The following SOAT1 variants were observed in gnomAD, a reference collection of about 807,000 sequenced individuals.
SOAT1 encodes sterol O-acyltransferase 1.
A neutral mutation model predicts 69.5 loss-of-function variants in SOAT1; 55 were observed. The observed-to-expected ratio is 0.79, with a 90% CI of 0.64 to 0.99. The LOEUF is 0.99. Ranked by LOEUF, SOAT1 falls within the 50% of genes least tolerant of loss-of-function variation. The pLI is 0.00. For missense variants in SOAT1, 580 were observed against 669.3 expected (o/e 0.87, Z 1.47); for synonymous variants, 231 against 224.7 (o/e 1.03, Z -0.25).
intron 3 of SOAT1, among the ~76,000 whole-genome samples, chr1:179,325,504 T>A (rs950409380): frequency 6.6e-6 from 1 of 152,140 alleles, no homozygotes; most frequent in Non-Finnish European, 1.5e-5. Flanking sequence ...CCCTTTTTAT[T>A]TCTCTAGTCA....
At chr1:179,329,538 T>G (rs1317068497) in intron 3 of SOAT1, among the ~76,000 whole-genome samples, 3 of 151,898 alleles carry the variant, frequency 2.0e-5, no homozygotes, top group Non-Finnish European at 4.4e-5. Context: ...ACCAACATGG[T>G]GAAACCCCAT....
At chr1:179,335,844 T>G (rs889580342) in intron 4 of SOAT1, among the ~76,000 whole-genome samples, 187 bp downstream of exon 4, 1 of 152,150 alleles carries the variant, frequency 6.6e-6, no homozygotes, top group African/African-American at 2.4e-5. Context: ...ACATATAAAT[T>G]ATAACATACA....
chr1:179,297,480 C>T (rs12028643), intron 1 of SOAT1, among the ~76,000 whole-genome samples: 32,963 of 151,828 alleles, frequency 0.22, 4,576 homozygotes, highest in East Asian at 0.38. Flanking sequence ...GGATTACAGG[C>T]ACCTGCCATC....
chr1:179,353,053 T>C (rs899192009), intron 15 of SOAT1, among the ~76,000 whole-genome samples: 2 of 146,452 alleles, frequency 1.4e-5, no homozygotes, highest in Non-Finnish European at 3.0e-5. Flanking sequence ...CTTGTATTAG[T>C]CATTTTTATA....
chr1:179,323,046 T>C (rs1665659815), intron 2 of SOAT1, among the ~76,000 whole-genome samples: 1 of 26,684 alleles, frequency 3.7e-5, no homozygotes, highest in African/African-American at 1.3e-4. Flanking sequence ...CTTTTCTTTC[T>C]TTTTTTTTTT....
At chr1:179,323,325 A>G in intron 2 of SOAT1, 112 bp from the exon 3 acceptor site, 1 of 791,610 alleles carries the variant, frequency 1.3e-6, no homozygotes, top group Non-Finnish European at 2.0e-6. Flanking sequence ...TGGTTGCACC[A>G]CAGTTTACGC....
chr1:179,302,915 G>A lies in SOAT1; in HGVS notation c.118+113G>A, dbSNP rs940041240. On this transcript the variant is annotated intron_variant, in intron 2 of 15. Transcript: ENST00000367619. ...TCTTTATTGTAAATGGGTATTGATA[G>A]AGTTTTATATGTCTAGTAACAAAGC... The A allele has an allele frequency of 7.2e-6, 4 of 558,462 alleles. No individual in the cohort carries two copies. In the Admixed American group the frequency reaches 1.2e-4, roughly 17 times the overall value. 34.6% of individuals were successfully genotyped at this position (558,462 alleles called of 1,614,324 possible).
chr1:179,306,697 T>C (rs777426928), intron 2 of SOAT1, among the ~76,000 whole-genome samples: 5 of 151,710 alleles, frequency 3.3e-5, no homozygotes, highest in Non-Finnish European at 7.4e-5. Context: ...CCGGGTGCGG[T>C]GGTGGGCACC....
At chr1:179,351,554 G>T in intron 15 of SOAT1, 92 bp downstream of exon 15, 1 of 1,157,868 alleles carries the variant, frequency 8.6e-7, no homozygotes. Context: ...CAGTAGTGGA[G>T]ATTATGATGA....
At chr1:179,311,591 C>T (rs866897147) in intron 2 of SOAT1, among the ~76,000 whole-genome samples, 1 of 110,876 alleles carries the variant, frequency 9.0e-6, no homozygotes, top group Non-Finnish European at 2.0e-5. Context: ...AAAAAAAAAT[C>T]GTTTCTAAAT....
chr1:179,333,425 G>A (rs1666036535), intron 3 of SOAT1, among the ~76,000 whole-genome samples: 1 of 151,722 alleles, frequency 6.6e-6, no homozygotes, highest in South Asian at 2.1e-4. Context: ...GTCTTGGCTG[G>A]GCACAGTGGC....
intron 6 of SOAT1, 83 bp downstream of exon 6, chr1:179,339,628 A>C: frequency 1.3e-6 from 1 of 772,170 alleles, no homozygotes; most frequent in Non-Finnish European, 2.1e-6. Flanking sequence ...GGGTAAATTG[A>C]TTAAATTGCT....
intron 3 of SOAT1, among the ~76,000 whole-genome samples, chr1:179,331,612 C>G (rs149736237): frequency 5.4e-4 from 82 of 152,054 alleles, no homozygotes; most frequent in African/African-American, 1.9e-3. Flanking sequence ...AAAGATACAT[C>G]GTTTAAAATC....
chr1:179,341,829 G>A (rs933797136), intron 7 of SOAT1, among the ~76,000 whole-genome samples: 1 of 152,002 alleles, frequency 6.6e-6, no homozygotes, highest in Non-Finnish European at 1.5e-5. Context: ...CACCGCGCCC[G>A]GCCACATTGA....
chr1:179,351,346 CG>C lies in SOAT1; in HGVS notation c.1482del (p.Lys496SerfsTer7). ...TTTCAACTTCATTGTCAATGATAGT[CG>C]GAAAAAGCCGATTTGGAATGTTCTG... ...MAFNFIVNDSRKKPIWNVLMW... is the reference protein window; with the variant it reads ...MAFNFIVNDSXKKPIWNVLMW... On this transcript the variant is annotated frameshift_variant, in exon 15 of 16. Coordinates refer to ENST00000367619, the MANE Select transcript of SOAT1 (RefSeq NM_003101.6). LOFTEE classifies it high-confidence loss of function. 1 of 1,613,942 alleles carries C rather than the reference CG, an allele frequency of 6.2e-7. No individual in the cohort carries two copies. The highest frequency in any genetic ancestry group is 1.3e-5 in the African/African-American group (1 of 75,010).
At chr1:179,332,484 A>C (rs1268665699) in intron 3 of SOAT1, among the ~76,000 whole-genome samples, 3 of 152,128 alleles carry the variant, frequency 2.0e-5, no homozygotes, top group Non-Finnish European at 4.4e-5. Flanking sequence ...TTAAGCTCTA[A>C]AAATGTAGTT....
In SOAT1 at chr1:179,341,295, CATT is replaced by C; in HGVS notation, c.768_770del (p.Ile257del). On this transcript the variant is annotated inframe_deletion, in exon 7 of 16. Coordinates refer to ENST00000367619, the MANE Select transcript of SOAT1 (RefSeq NM_003101.6). ...CACTGCCACCAGCTTCCCGGTTCATCATTATATTCGAGCAGGTAAGGTTTTAAG... is the reference window on the plus strand; with the variant it reads ...CACTGCCACCAGCTTCCCGGTTCATCATATTCGAGCAGGTAAGGTTTTAAG... 1 of 1,614,016 alleles carries C rather than the reference CATT, an allele frequency of 6.2e-7. No homozygotes were observed. The highest frequency in any genetic ancestry group is 8.5e-7 in the Non-Finnish European group (1 of 1,179,968).
intron 5 of SOAT1, 134 bp downstream of exon 5, chr1:179,338,030 T>C (rs887603117): frequency 2.0e-5 from 10 of 510,048 alleles, no homozygotes; most frequent in Non-Finnish European, 3.4e-5. Context: ...TCTTCTATGC[T>C]CTCTCTTGCT....
chr1:179,343,014 CAG>C (rs376463196), intron 9 of SOAT1, 71 bp downstream of exon 9: 134 of 1,154,070 alleles, frequency 1.2e-4, no homozygotes, highest in Middle Eastern at 9.7e-4. Flanking sequence ...GATAGGTAAA[CAG>C]GGGCCAGTTC....
Sources: allele counts gnomAD v4.1 joint callset (sites outside exome capture counted in the v4.1 genomes callset), GRCh38; gene constraint gnomAD v4.1.1; transcripts MANE v1.5; gene names NCBI Gene and HGNC (gene_info 2026-07-23, HGNC 2026-07-21).